The following AUH variants were observed in gnomAD, a reference collection of about 807,000 sequenced individuals.
AUH encodes the protein AU RNA binding methylglutaconyl-CoA hydratase, also known as methylglutaconyl-CoA hydratase, mitochondrial.
In AUH, 29 loss-of-function variants were observed where a neutral mutation model predicts 42.3. The observed-to-expected ratio is 0.69, with a 90% CI of 0.51 to 0.93. The LOEUF (loss-of-function observed/expected upper bound fraction) is 0.93. Ranked by LOEUF, AUH falls within the 40% of genes least tolerant of loss-of-function variation. AUH has a pLI of 0.00. For missense variants in AUH, 452 were observed against 438.1 expected, an observed-to-expected ratio of 1.03 and a Z score of -0.28; for synonymous variants, 174 against 166.4, an observed-to-expected ratio of 1.05 and a Z score of -0.35.
At chr9:91,274,599 T>C (rs1461782516) in intron 6 of AUH, among the ~76,000 whole-genome samples, 1 of 152,214 alleles carries the variant, frequency 6.6e-6, no homozygotes, top group Non-Finnish European at 1.5e-5. Flanking sequence ...GTCAAGTGTA[T>C]AAAAATTGAG....
intron 6 of AUH, among the ~76,000 whole-genome samples, chr9:91,238,564 GT>G (rs1828319609): frequency 2.0e-5 from 3 of 152,192 alleles, no homozygotes; most frequent in Admixed American, 1.3e-4. Context: ...TGGCAAAACT[GT>G]TTTCATCATG....
chr9:91,330,959 T>C (rs1830282397), intron 3 of AUH, among the ~76,000 whole-genome samples: 1 of 152,246 alleles, frequency 6.6e-6, no homozygotes, highest in East Asian at 1.9e-4. Flanking sequence ...CTTCATTTTG[T>C]AGAAATTTAC....
chr9:91,214,558 ATTATG>A (rs1826716899), intron 9 of AUH, 133 bp from the exon 10 acceptor site: 1 of 711,644 alleles, frequency 1.4e-6, no homozygotes, highest in African/African-American at 1.8e-5. Context: ...AATTCTCCTA[ATTATG>A]TAACCAAACT....
At chr9:91,268,689 G>A (rs916442577) in intron 6 of AUH, among the ~76,000 whole-genome samples, 2 of 152,010 alleles carry the variant, frequency 1.3e-5, no homozygotes, top group Admixed American at 6.6e-5. Context: ...CTCAGCCTCC[G>A]AAAGTGCTAA....
chr9:91,361,575 T>TGAGAGCGAGCGGCCGCCCG, intron 1 of AUH, 53 bp downstream of exon 1: 1 of 1,549,404 alleles, frequency 6.5e-7, no homozygotes, highest in Non-Finnish European at 8.7e-7. Flanking sequence ...ATGCCCGTCC[T>TGAGAGCGAGCGGCCGCCCG]GAGAGCGAGC....
In AUH at chr9:91,300,822, T is replaced by A. The variant is rs534575447; in HGVS notation, c.506-2746A>T. ...CAAGACTCAATATCTGTATACAAGG[T>A]GCAGCTCTGCCTAGAATGCCTAGCT... On this transcript the variant is annotated intron_variant, in intron 4 of 9. Coordinates refer to ENST00000375731, the MANE Select transcript of AUH (RefSeq NM_001698.3). Among the ~76,000 whole-genome samples the A allele has an allele frequency of 7.2e-5, 11 of 152,332 alleles. No homozygotes were observed. The East Asian group carries it at 2.1e-3, about 29-fold the overall frequency.
intron 3 of AUH, among the ~76,000 whole-genome samples, chr9:91,349,653 G>A (rs1251207489): frequency 1.3e-5 from 2 of 148,664 alleles, no homozygotes; most frequent in African/African-American, 2.5e-5. Context: ...GTGTGTGTGG[G>A]TGTGTGTATG....
chr9:91,238,761 C>G (rs915014667), intron 6 of AUH, among the ~76,000 whole-genome samples: 9 of 152,186 alleles, frequency 5.9e-5, no homozygotes, highest in African/African-American at 2.2e-4. Flanking sequence ...AGGTAGCAAC[C>G]TGTCTTAGCA....
chr9:91,299,083 T>C (rs895089157), intron 4 of AUH, among the ~76,000 whole-genome samples: 1 of 152,096 alleles, frequency 6.6e-6, no homozygotes, highest in African/African-American at 2.4e-5. Context: ...CCAGGCATGA[T>C]GGCGGGTGCC....
intron 6 of AUH, among the ~76,000 whole-genome samples, chr9:91,286,817 A>G (rs1048426067): frequency 1.3e-5 from 2 of 152,084 alleles, no homozygotes; most frequent in Non-Finnish European, 2.9e-5. Flanking sequence ...TGTTAGCCAA[A>G]GTACACAAAC....
chr9:91,341,763 TAATC>T (rs1042190210), intron 3 of AUH, among the ~76,000 whole-genome samples: 1 of 152,150 alleles, frequency 6.6e-6, no homozygotes, highest in Non-Finnish European at 1.5e-5. Context: ...GGCTGACTGA[TAATC>T]AATAAGTAAA....
chr9:91,341,299 TA>T (rs962787393), intron 3 of AUH, among the ~76,000 whole-genome samples: 22 of 152,076 alleles, frequency 1.4e-4, no homozygotes, highest in African/African-American at 3.6e-4. Context: ...GCCCACCCAC[TA>T]GGGGGGGCCC....
chr9:91,311,999 T>C (rs971418559), intron 4 of AUH, among the ~76,000 whole-genome samples: 8 of 151,324 alleles, frequency 5.3e-5, no homozygotes, highest in Admixed American at 2.0e-4. Flanking sequence ...ATCTCAAAAA[T>C]AGTCACATGA....
intron 6 of AUH, among the ~76,000 whole-genome samples, chr9:91,243,940 G>A (rs948349864): frequency 6.6e-6 from 1 of 152,166 alleles, no homozygotes; most frequent in Non-Finnish European, 1.5e-5. Flanking sequence ...GTCAACAACT[G>A]TTTCATATTA....
At chr9:91,350,875 T>C (rs565463276) in intron 3 of AUH, among the ~76,000 whole-genome samples, 105 of 152,300 alleles carry the variant, frequency 6.9e-4, no homozygotes, top group African/African-American at 2.5e-3. Context: ...TTCAAAATTA[T>C]TTACTTTGCA....
intron 3 of AUH, among the ~76,000 whole-genome samples, chr9:91,338,162 C>T (rs1031811553): frequency 3.3e-5 from 5 of 152,200 alleles, no homozygotes; most frequent in Admixed American, 6.5e-5. Context: ...AATCAGATGT[C>T]ACTTTTCCTC....
At chr9:91,326,739 T>C (rs1300643989) in intron 3 of AUH, among the ~76,000 whole-genome samples, 4 of 152,164 alleles carry the variant, frequency 2.6e-5, no homozygotes, top group African/African-American at 7.2e-5. Context: ...TGTAATATTG[T>C]ATTGCTTAGG....
intron 6 of AUH, among the ~76,000 whole-genome samples, chr9:91,293,097 C>T (rs536234345): frequency 6.6e-6 from 1 of 152,290 alleles, no homozygotes; most frequent in South Asian, 2.1e-4. Flanking sequence ...TGTATTCTGA[C>T]GGCTCAACCA....
chr9:91,299,547 TGAAAG>T (rs1425842185), intron 4 of AUH, among the ~76,000 whole-genome samples: 1 of 152,078 alleles, frequency 6.6e-6, no homozygotes, highest in Non-Finnish European at 1.5e-5. Context: ...GGGAGGGACT[TGAAAG>T]GACAGGACAA....
Sources: allele counts gnomAD v4.1 joint callset (sites outside exome capture counted in the v4.1 genomes callset), GRCh38; gene constraint gnomAD v4.1.1; transcripts MANE v1.5; gene names NCBI Gene and HGNC (gene_info 2026-07-23, HGNC 2026-07-21).